PLAC1: variants seen among roughly 807,000 people sequenced by gnomAD.
The protein encoded by PLAC1 is placenta-specific protein 1.
For synonymous variants in PLAC1, 68 were observed against 62.1 expected (o/e 1.09, Z -0.44); for missense variants, 136 against 163.2 (o/e 0.83, Z 0.91).
intron 1 of PLAC1, among the ~76,000 whole-genome samples, chrX:134,649,967 G>C (rs1258567516): frequency 1.8e-5 from 2 of 111,401 alleles, no homozygotes; most frequent in East Asian, 2.8e-4. Context: ...AATCTAGAAA[G>C]GTCACTTCTT....
In PLAC1 at chrX:134,689,661, G is replaced by A. The variant is rs141873086; in HGVS notation, n.174+43774C>T. On this transcript the variant is annotated intron_variant and non_coding_transcript_variant, in intron 2 of 2. Transcript: ENST00000466797. ...GTACTGGCCCTGCCACTGACTCAAT[G>A]TGTGATGTTGGGCAAGTCCCTGCCC... 7.8e-3 allele frequency among the ~76,000 whole-genome samples: 867 copies of A among 111,600 alleles called. 7 individuals are homozygous for A. The highest frequency in any genetic ancestry group is 0.026 in the African/African-American group (807 of 30,715).
intron 2 of PLAC1, among the ~76,000 whole-genome samples, chrX:134,673,070 G>C (rs1367543924): frequency 1.8e-5 from 2 of 112,374 alleles, no homozygotes; most frequent in Non-Finnish European, 3.7e-5. Flanking sequence ...AGGTGAGAAA[G>C]AGAGAAACAT....
At chrX:134,673,346 G>A (rs1043379311) in intron 2 of PLAC1, among the ~76,000 whole-genome samples, 14 of 105,845 alleles carry the variant, frequency 1.3e-4, no homozygotes, top group African/African-American at 4.8e-4. Flanking sequence ...AAGGGAAGGA[G>A]GGAGGGAGGA....
At chrX:134,657,995 T>A (rs771187840) in intron 1 of PLAC1, among the ~76,000 whole-genome samples, 1 of 110,603 alleles carries the variant, frequency 9.0e-6, no homozygotes, top group Non-Finnish European at 1.9e-5. Context: ...CATGTGTGAG[T>A]GTGTGTGTGT....
intron 1 of PLAC1, among the ~76,000 whole-genome samples, chrX:134,610,821 A>G (rs1446700565): frequency 9.0e-6 from 1 of 111,208 alleles, no homozygotes; most frequent in Non-Finnish European, 1.9e-5. Context: ...AGCACTCAAT[A>G]AATGTTAATT....
chrX:134,675,226 G>A, intron 2 of PLAC1, among the ~76,000 whole-genome samples: 1 of 112,410 alleles, frequency 8.9e-6, no homozygotes, highest in Non-Finnish European at 1.9e-5. Context: ...TTACACCTGG[G>A]CAGAGCCTAA....
At chrX:134,696,988 G>T (rs1246416466) in intron 2 of PLAC1, among the ~76,000 whole-genome samples, 3 of 106,475 alleles carry the variant, frequency 2.8e-5, no homozygotes, top group Non-Finnish European at 5.8e-5. Context: ...AGCCGAGATC[G>T]CGCCACTGCA....
intron 2 of PLAC1, among the ~76,000 whole-genome samples, chrX:134,575,341 A>G (rs1211063953): frequency 2.7e-5 from 3 of 111,013 alleles, no homozygotes; most frequent in Non-Finnish European, 5.7e-5. Flanking sequence ...AATATCAAAA[A>G]ACATAACAAT....
At chrX:134,759,241 C>T (rs1255188669) in intron 1 of PLAC1, among the ~76,000 whole-genome samples, 1 of 110,544 alleles carries the variant, frequency 9.0e-6, no homozygotes, top group African/African-American at 3.3e-5. Context: ...ACCTCCACCT[C>T]CTGGGTTCAA....
At chrX:134,762,320 G>T (rs748923695) in intron 1 of PLAC1, among the ~76,000 whole-genome samples, 1 of 109,333 alleles carries the variant, frequency 9.1e-6, no homozygotes, top group South Asian at 4.0e-4. Context: ...TTCCCTACTG[G>T]CTCACTTTCT....
intron 1 of PLAC1, among the ~76,000 whole-genome samples, chrX:134,614,174 C>T (rs1368003091): frequency 1.8e-5 from 2 of 111,101 alleles, no homozygotes; most frequent in Non-Finnish European, 1.9e-5. Flanking sequence ...CAGCTCTTAG[C>T]TGTACCAGAC....
At chrX:134,699,821 C>G (rs1214696971) in intron 2 of PLAC1, among the ~76,000 whole-genome samples, 1 of 111,878 alleles carries the variant, frequency 8.9e-6, no homozygotes, top group African/African-American at 3.3e-5. Flanking sequence ...AAATCACACT[C>G]AAGATCAAAT....
intron 1 of PLAC1, among the ~76,000 whole-genome samples, chrX:134,736,748 T>C (rs2078704112): frequency 8.9e-6 from 1 of 112,379 alleles, no homozygotes; most frequent in Admixed American, 9.4e-5. Context: ...ATTTGTTGTC[T>C]GGCCGGCACA....
In PLAC1 at chrX:134,710,390, A is replaced by G. The variant is rs755160211; in HGVS notation, n.174+23045T>C. ...TGGGACTGTTACTCGGTAGAGCCAC[A>G]TTGGAGAGCAACCTGCCAGTGCCCA... is the stretch of plus-strand genomic sequence containing the variant. On this transcript the variant is annotated intron_variant and non_coding_transcript_variant, in intron 2 of 2. Transcript: ENST00000466797. Among the ~76,000 whole-genome samples, 4 of 112,128 alleles carry G rather than the reference A, an allele frequency of 3.6e-5. No individual in the cohort carries two copies. The East Asian group carries it at 1.1e-3, about 31-fold the overall frequency.
intron 2 of PLAC1, among the ~76,000 whole-genome samples, chrX:134,696,265 G>A (rs2078562710): frequency 9.0e-6 from 1 of 111,214 alleles, no homozygotes; most frequent in African/African-American, 3.3e-5. Context: ...GTACAGTACA[G>A]GAGAAATGCT....
Position 134,689,300 on chromosome X carries a change from G to A in PLAC1, n.174+44135C>T, listed in dbSNP as rs563414112. Among the ~76,000 whole-genome samples the A allele has an allele frequency of 1.1e-4, 12 of 112,228 alleles. No homozygotes were observed. In the South Asian group the frequency reaches 4.5e-3, roughly 42 times the overall value. ...GGCTGCCTATTGTTTACTATATCAAGTCCAAATTAATGTATTGTTCGAGAG... is the reference window on the plus strand; with the variant it reads ...GGCTGCCTATTGTTTACTATATCAAATCCAAATTAATGTATTGTTCGAGAG... On this transcript the variant is annotated intron_variant and non_coding_transcript_variant, in intron 2 of 2. Coordinates refer to the PLAC1 transcript ENST00000466797.
At chrX:134,657,036 C>T (rs2078394996) in intron 1 of PLAC1, among the ~76,000 whole-genome samples, 1 of 112,246 alleles carries the variant, frequency 8.9e-6, no homozygotes. Flanking sequence ...TCCAGCAGCT[C>T]CGAGCTGTCA....
chrX:134,730,014 C>T (rs1401666947), intron 2 of PLAC1, among the ~76,000 whole-genome samples: 1 of 111,238 alleles, frequency 9.0e-6, no homozygotes, highest in African/African-American at 3.3e-5. Flanking sequence ...TGGTCTCGAA[C>T]TCCTGACCTC....
chrX:134,657,651 T>C (rs750849033), intron 1 of PLAC1, among the ~76,000 whole-genome samples: 1 of 111,309 alleles, frequency 9.0e-6, no homozygotes, highest in Admixed American at 9.5e-5. Context: ...AACATTGTGC[T>C]ACCAGTGGTG....
Sources: gnomAD v4.1 joint callset for allele counts (sites outside exome capture counted in the v4.1 genomes callset) on GRCh38, gnomAD v4.1.1 for gene constraint, MANE v1.5 for transcripts, NCBI Gene and HGNC (gene_info 2026-07-23, HGNC 2026-07-21) for gene names.